Variants in SECISBP2 observed in about 807,000 individuals in gnomAD.
SECISBP2 encodes the protein selenocysteine insertion sequence-binding protein 2.
Under a neutral mutation model 98.2 loss-of-function variants are expected in SECISBP2, and 96 were observed. The ratio of observed to expected loss-of-function variants is 0.98; its 90% confidence interval spans 0.83 to 1.16. The LOEUF (loss-of-function observed/expected upper bound fraction) is 1.16, where lower values mean the gene tolerates loss of function less well. Among genes scored for constraint, SECISBP2 ranks in the 50% most tolerant of loss-of-function variants. The pLI is 0.00. For missense variants in SECISBP2, 1,046 were observed against 1,022.9 expected (o/e 1.02, Z -0.31); for synonymous variants, 407 against 370.2 (o/e 1.10, Z -1.14).
chr9:89,337,584 A>G (rs888448572), intron 7 of SECISBP2, among the ~76,000 whole-genome samples: 18 of 152,168 alleles, frequency 1.2e-4, no homozygotes, highest in Non-Finnish European at 2.4e-4. Flanking sequence ...TTTTATACAC[A>G]TTACCCTTCA....
intron 5 of SECISBP2, chr9:89,332,606 C>T: frequency 2.5e-6 from 1 of 405,980 alleles, no homozygotes; most frequent in Non-Finnish European, 4.5e-6. Context: ...CAAGTTGTGG[C>T]AGTTATGAGT....
chr9:89,357,286 G>T (rs989185038), intron 14 of SECISBP2, 125 bp from the exon 15 acceptor site: 56 of 1,008,648 alleles, frequency 5.6e-5, no homozygotes, highest in Non-Finnish European at 4.1e-5. Context: ...TATTTTCAGG[G>T]GCGTCTGCCT....
chr9:89,350,589 C>CA (rs761177428), intron 13 of SECISBP2, 43 bp from the exon 14 acceptor site: 1 of 1,567,194 alleles, frequency 6.4e-7, no homozygotes, highest in African/African-American at 1.4e-5. Flanking sequence ...GCTGCAGTGT[C>CA]ACAGCCAGTG....
At position 89,359,288 on chromosome 9, in the gene SECISBP2, G is replaced by A. The variant is rs1832564566; in HGVS notation, c.*464G>A. 5.1e-6 allele frequency: 1 copy of A among 195,564 alleles called. No homozygotes were observed. The highest frequency in any genetic ancestry group is 5.4e-5 in the Admixed American group (1 of 18,582). The allele number at this position is 195,564 out of a possible 1,614,324, so 12.1% of individuals were successfully genotyped here. On this transcript the variant is annotated 3_prime_UTR_variant, in exon 17 of 17. Coordinates refer to ENST00000375807, the MANE Select transcript of SECISBP2 (RefSeq NM_024077.5). ...GGAGCCACTTGGCAGAAGGGTGCAG[G>A]GCTGCTGGTGTCAGAGCAAGAGGGC...
At chr9:89,357,895 C>G (rs1564456461) in intron 15 of SECISBP2, 104 bp from the exon 16 acceptor site, 1 of 1,244,878 alleles carries the variant, frequency 8.0e-7, no homozygotes. Context: ...CCACATTACC[C>G]CATGTCACCC....
rs1832606866 is a variant in SECISBP2 at position 89,359,640 on chromosome 9, A to G, written c.*816A>G. 6.6e-6 allele frequency: 1 copy of G among 152,148 alleles called. No homozygotes were observed. Among genetic ancestry groups the G allele is most frequent in the Admixed American group, 6.5e-5 (1 of 15,288 alleles). 9.4% of individuals were successfully genotyped at this position (152,148 alleles called of 1,614,324 possible). A position where few individuals can be genotyped will look rare whatever the true frequency, so the allele number is the denominator to read the frequency against. ...TTATTTTAAATAAAGAGTAATTATT[A>G]AATTTTGTTTCAGACTCTGGTGATT... On this transcript the variant is annotated 3_prime_UTR_variant, in exon 17 of 17. Coordinates refer to ENST00000375807, the MANE Select transcript of SECISBP2 (RefSeq NM_024077.5).
At position 89,349,793 on chromosome 9, in the gene SECISBP2, G is replaced by A. The variant is rs780807879; in HGVS notation, c.1756G>A (p.Glu586Lys). ...AELSGPEGMD[E>K]LISTPSVEDK... ...CCATGAAGGGCCAGAGGGGATGGAC[G>A]AACTGATCTCCACTCCTTCGGTTGA... The change falls in exon 13 of 17, where the codon GAA becomes AAA. Residue 586 changes from glutamate (E) to lysine (K), a missense_variant. Coordinates refer to ENST00000375807, the MANE Select transcript of SECISBP2 (RefSeq NM_024077.5). The A allele has an allele frequency of 8.7e-5, 141 of 1,614,010 alleles. No individual in the cohort carries two copies. The highest frequency in any genetic ancestry group is 6.2e-4 in the Admixed American group (37 of 60,004).
downstream of SECISBP2, chr9:89,362,262 CCA>C: frequency 6.9e-7 from 1 of 1,457,308 alleles, no homozygotes; most frequent in Non-Finnish European, 9.6e-7. Flanking sequence ...AGGTGGTGGC[CCA>C]ATGGCTGTGT....
At chr9:89,341,526 A>T in intron 10 of SECISBP2, 47 bp downstream of exon 10, 6 of 1,608,168 alleles carry the variant, frequency 3.7e-6, no homozygotes, top group Non-Finnish European at 5.1e-6. Context: ...AGTCTTTTTC[A>T]GCTAGATTAT....
chr9:89,322,400 T>C (rs1047419971), intron 2 of SECISBP2: 16 of 152,376 alleles, frequency 1.1e-4, no homozygotes, highest in African/African-American at 3.8e-4. Flanking sequence ...TGTGTGCCTT[T>C]TGTTTGGGTA....
intron 2 of SECISBP2, chr9:89,324,811 TAA>T (rs899618408): frequency 2.6e-5 from 4 of 153,092 alleles, no homozygotes; most frequent in African/African-American, 9.6e-5. Flanking sequence ...TCAAATTGGC[TAA>T]AAAAGAAAAA....
rs568657651 is a variant in SECISBP2 at position 89,334,605 on chromosome 9, A to G, written c.964A>G (p.Met322Val). 1.2e-4 allele frequency: 199 copies of G among 1,614,174 alleles called. 3 individuals are homozygous for G. The South Asian group carries it at 2.0e-3, about 16-fold the overall frequency. The change falls in exon 7 of 17, where the codon ATG becomes GTG. Residue 322 changes from methionine to valine, a missense_variant. Transcript: ENST00000375807. ...LSAAPKNVTS[M>V]INLKTIASSA... ...AGCAGCCCCTAAAAATGTTACTTCT[A>G]TGATAAACTTAAAGACCATTGCTTC...
At chr9:89,336,081 C>CTCTTTTTTTT (rs1828629469) in intron 7 of SECISBP2, among the ~76,000 whole-genome samples, 1 of 33,062 alleles carries the variant, frequency 3.0e-5, no homozygotes, top group Non-Finnish European at 5.7e-5. Context: ...ATTTTAAGTG[C>CTCTTTTTTTT]TTTTTTTTTT....
intron 5 of SECISBP2, among the ~76,000 whole-genome samples, chr9:89,331,891 T>C (rs1158240649): frequency 3.3e-5 from 5 of 152,208 alleles, no homozygotes; most frequent in Non-Finnish European, 7.3e-5. Context: ...TATAAAAATA[T>C]GATACACAAA....
At position 89,341,482 on chromosome 9, in the gene SECISBP2, AAG is replaced by A; in HGVS notation, c.1435+8_1435+9del. 3 of 1,613,924 alleles carry A rather than the reference AAG, an allele frequency of 1.9e-6. No homozygotes were observed. Among genetic ancestry groups the A allele is most frequent in the African/African-American group, 2.7e-5 (2 of 74,868 alleles). On this transcript the variant is annotated splice_donor_5th_base_variant and intron_variant, in intron 10 of 16. Transcript: ENST00000375807. Reference sequence around the variant, plus strand: ...CTCCAAACCAGTGGTAGTCTCAGGTAAGAGAGTCTTTCCATCTCAGGCAAGTG... The same window carrying A: ...CTCCAAACCAGTGGTAGTCTCAGGTAAGAGTCTTTCCATCTCAGGCAAGTG...
At chr9:89,361,419 C>T (rs1318823929), downstream of SECISBP2, 1 of 152,144 alleles carries the variant, frequency 6.6e-6, no homozygotes, top group Non-Finnish European at 1.5e-5. Flanking sequence ...TTAACAGAGG[C>T]TTTGGTTTTA....
intron 14 of SECISBP2, among the ~76,000 whole-genome samples, chr9:89,351,619 T>C (rs1270562247): frequency 1.3e-5 from 2 of 152,190 alleles, no homozygotes; most frequent in Non-Finnish European, 2.9e-5. Flanking sequence ...TTTGAGATAA[T>C]GCATCCACAT....
rs774784281 is a variant in SECISBP2 at position 89,328,662 on chromosome 9, G to A, written c.577G>A (p.Gly193Ser). 1.4e-5 allele frequency: 22 copies of A among 1,612,798 alleles called. No individual in the cohort carries two copies. The highest frequency in any genetic ancestry group is 1.8e-5 in the Non-Finnish European group (21 of 1,178,918). The change falls in exon 5 of 17, where the codon GGT (glycine) becomes AGT (serine). Residue 193 changes from glycine to serine, a missense_variant and splice_region_variant. Gly to Ser is a moderately conservative substitution (Grantham distance 56). Coordinates refer to ENST00000375807, the MANE Select transcript of SECISBP2 (RefSeq NM_024077.5). ...IYAENSLKSDGYHKRTDRKSR... is the reference protein window; with the variant it reads ...IYAENSLKSDSYHKRTDRKSR... ...TACTTTTAATTTTGTAATTACAGAT[G>A]GTTACCATAAGCGAACAGACAGGAA...
At chr9:89,342,686 G>A (rs1443484325) in intron 10 of SECISBP2, among the ~76,000 whole-genome samples, 1 of 152,186 alleles carries the variant, frequency 6.6e-6, no homozygotes, top group Non-Finnish European at 1.5e-5. Context: ...CAACTACTGT[G>A]TGATTCCACC....
Sources: gnomAD v4.1 joint callset for allele counts (sites outside exome capture counted in the v4.1 genomes callset) on GRCh38, gnomAD v4.1.1 for gene constraint, MANE v1.5 for transcripts, NCBI Gene and HGNC (gene_info 2026-07-23, HGNC 2026-07-21) for gene names.